UBE2W: variants seen among roughly 807,000 people sequenced by gnomAD.
UBE2W encodes the protein ubiquitin-conjugating enzyme E2 W.
A neutral mutation model predicts 27.2 loss-of-function variants in UBE2W; 18 were observed. The ratio of observed to expected loss-of-function variants is 0.66; its 90% CI spans 0.46 to 0.98. The LOEUF is 0.98. Among genes scored for constraint, UBE2W ranks in the 50% least tolerant of loss-of-function variants. UBE2W has a pLI of 0.00. For synonymous variants in UBE2W, 53 were observed against 57.2 expected, an observed-to-expected ratio of 0.93 and a Z score of 0.33; for missense variants, 90 against 180.2, an observed-to-expected ratio of 0.50 and a Z score of 2.87.
intron 1 of UBE2W, among the ~76,000 whole-genome samples, chr8:73,868,213 G>C (rs1563635876): frequency 6.6e-6 from 1 of 152,126 alleles, no homozygotes; most frequent in South Asian, 2.1e-4. Flanking sequence ...AAGAAGGGGG[G>C]GCTCAGGGTT....
chr8:73,845,321 G>C (rs538469118), intron 1 of UBE2W, among the ~76,000 whole-genome samples: 3 of 152,258 alleles, frequency 2.0e-5, no homozygotes, highest in African/African-American at 4.8e-5. Context: ...TGTCTGTGTA[G>C]AAAGTAGTAG....
intron 1 of UBE2W, among the ~76,000 whole-genome samples, chr8:73,866,290 AATATATATATATAT>A (rs71269958): frequency 2.8e-4 from 12 of 43,092 alleles, no homozygotes; most frequent in African/African-American, 1.2e-3. Context: ...AAAAAAAAAA[AATATATATATATAT>A]ATATATATAT....
intron 1 of UBE2W, among the ~76,000 whole-genome samples, chr8:73,874,538 C>G (rs1010917199): frequency 2.0e-5 from 3 of 152,188 alleles, no homozygotes; most frequent in Non-Finnish European, 4.4e-5. Flanking sequence ...GCTACACTTT[C>G]AAAAATGTTT....
At chr8:73,796,118 AACAG>A (rs1031442308) in intron 5 of UBE2W, among the ~76,000 whole-genome samples, 7 of 151,392 alleles carry the variant, frequency 4.6e-5, no homozygotes, top group Admixed American at 6.6e-5. Flanking sequence ...TGGTACTTGA[AACAG>A]ACAGAGAAGA....
chr8:73,814,056 T>C (rs1204855131), intron 3 of UBE2W, among the ~76,000 whole-genome samples: 1 of 152,150 alleles, frequency 6.6e-6, no homozygotes, highest in Non-Finnish European at 1.5e-5. Flanking sequence ...AATGTAAACT[T>C]TGCTAATCTG....
intron 1 of UBE2W, among the ~76,000 whole-genome samples, chr8:73,832,842 T>G (rs1370380645): frequency 2.0e-5 from 3 of 152,082 alleles, no homozygotes; most frequent in South Asian, 2.1e-4. Flanking sequence ...ACAGCTTGAG[T>G]TAAAAGTGCT....
At chr8:73,866,991 G>A (rs6472801) in intron 1 of UBE2W, among the ~76,000 whole-genome samples, 3,480 of 149,174 alleles carry the variant, frequency 0.023, 140 homozygotes, top group African/African-American at 0.082. Context: ...GCGACAGAGC[G>A]AGGCTCCGTC....
chr8:73,786,494 C>T lies in UBE2W; in HGVS notation c.*7608G>A, dbSNP rs1316540672. 1 of 985,212 alleles carries T rather than the reference C, an allele frequency of 1.0e-6. No individual in the cohort carries two copies. Among genetic ancestry groups the T allele is most frequent in the Non-Finnish European group, 1.2e-6 (1 of 829,916 alleles). The allele number at this position is 985,212 out of a possible 1,614,324, so 61.0% of individuals were successfully genotyped here. ...ACACAAACACAATTGCAACACTGTC[C>T]CTACTGTTAAAAAGTTCAGGATAGA... On this transcript the variant is annotated 3_prime_UTR_variant, in exon 6 of 6. Coordinates refer to ENST00000602593, the MANE Select transcript of UBE2W (RefSeq NM_018299.6).
At chr8:73,832,136 A>AATAAATATATATATATATAT (rs1554582582) in intron 1 of UBE2W, among the ~76,000 whole-genome samples, 3 of 145,348 alleles carry the variant, frequency 2.1e-5, no homozygotes, top group African/African-American at 7.9e-5. Flanking sequence ...AAAATAAATA[A>AATAAATATATATATATATAT]ATATATATAT....
chr8:73,833,560 C>T (rs1027556353), intron 1 of UBE2W, among the ~76,000 whole-genome samples: 2 of 152,050 alleles, frequency 1.3e-5, no homozygotes, highest in African/African-American at 4.8e-5. Context: ...AAAATGGCTA[C>T]GTATTTTGCA....
chr8:73,825,686 A>T (rs1809807837), intron 2 of UBE2W, among the ~76,000 whole-genome samples: 1 of 152,156 alleles, frequency 6.6e-6, no homozygotes, highest in Non-Finnish European at 1.5e-5. Context: ...CTGTAATCCC[A>T]GCTACTCAGG....
At chr8:73,856,431 C>A (rs1007860601) in intron 1 of UBE2W, among the ~76,000 whole-genome samples, 1 of 128,864 alleles carries the variant, frequency 7.8e-6, no homozygotes, top group Admixed American at 1.0e-4. Context: ...GTAGCACGAT[C>A]TTGGCTCACT....
chr8:73,866,308 T>A (rs1811770746), intron 1 of UBE2W, among the ~76,000 whole-genome samples: 2 of 132,276 alleles, frequency 1.5e-5, no homozygotes, highest in African/African-American at 5.6e-5. Flanking sequence ...TATATATATA[T>A]ATATATATAT....
At position 73,866,160 on chromosome 8, in the gene UBE2W, A is replaced by G. The variant is rs144388315; in HGVS notation, c.15+12648T>C. Among the ~76,000 whole-genome samples, 91 of 150,726 alleles carry G rather than the reference A, an allele frequency of 6.0e-4. 1 individual carries two copies. The highest frequency in any genetic ancestry group is 1.9e-3 in the African/African-American group (80 of 41,204). ...GCAGCGCGTGCCTGTAATCCCAGCTATTCGGGAGGCTGAAGCAGGAGAATT... is the reference window on the plus strand; with the variant it reads ...GCAGCGCGTGCCTGTAATCCCAGCTGTTCGGGAGGCTGAAGCAGGAGAATT... On this transcript the variant is annotated intron_variant, in intron 1 of 5. Coordinates refer to ENST00000602593, the MANE Select transcript of UBE2W (RefSeq NM_018299.6).
At chr8:73,857,895 C>T (rs1364530889) in intron 1 of UBE2W, among the ~76,000 whole-genome samples, 1 of 151,946 alleles carries the variant, frequency 6.6e-6, no homozygotes, top group Non-Finnish European at 1.5e-5. Flanking sequence ...CCTCAGTTGC[C>T]AAAAGTAGCC....
chr8:73,870,385 G>T, intron 1 of UBE2W: 7 of 1,175,646 alleles, frequency 6.0e-6, no homozygotes, highest in African/African-American at 1.7e-5. Context: ...GCAGGGACTA[G>T]AAATCAGAAA....
chr8:73,786,913 CAT>C lies in UBE2W; in HGVS notation c.*7187_*7188del, dbSNP rs1284343497. The stretch of plus-strand genomic sequence containing the variant: ...ATATGTTTTCATTGAGGTATGGAAA[CAT>C]AAAATTTTAATGTTGAATTGGCTAT... On this transcript the variant is annotated 3_prime_UTR_variant, in exon 6 of 6. Coordinates refer to ENST00000602593, the MANE Select transcript of UBE2W (RefSeq NM_018299.6). 1.0e-6 allele frequency: 1 copy of C among 985,278 alleles called. No homozygotes were observed. The highest frequency in any genetic ancestry group is 1.2e-6 in the Non-Finnish European group (1 of 829,874). The allele number at this position is 985,278 out of a possible 1,614,324, so 61.0% of individuals were successfully genotyped here.
At chr8:73,859,360 G>A (rs1009862276) in intron 1 of UBE2W, among the ~76,000 whole-genome samples, 2 of 152,192 alleles carry the variant, frequency 1.3e-5, no homozygotes, top group Admixed American at 6.5e-5. Context: ...ACAAAAATTA[G>A]CTGGGCATGG....
chr8:73,782,253 GTTT>G (rs544672484), downstream of UBE2W, among the ~76,000 whole-genome samples: 2 of 148,346 alleles, frequency 1.3e-5, no homozygotes, highest in African/African-American at 4.9e-5. Context: ...GGCCAATTGT[GTTT>G]TTTTTTTAAT....
Sources: gnomAD v4.1 joint callset for allele counts (sites outside exome capture counted in the v4.1 genomes callset) on GRCh38, gnomAD v4.1.1 for gene constraint, MANE v1.5 for transcripts, NCBI Gene and HGNC (gene_info 2026-07-23, HGNC 2026-07-21) for gene names.